Variants in KLHDC7B observed in about 807,000 individuals in gnomAD.
KLHDC7B encodes kelch domain containing 7B.
A neutral mutation model predicts 0.6 loss-of-function variants in KLHDC7B; 1 was observed. That is an observed-to-expected ratio of 1.71 (90% CI 0.61 to 8.11). The LOEUF is 8.11. Among genes scored for constraint, KLHDC7B ranks in the 30% most tolerant of loss-of-function variants. The pLI is 0.13. For synonymous variants in KLHDC7B, 462 were observed against 405.2 expected (o/e 1.14, Z -1.68); for missense variants, 993 against 894.9 (o/e 1.11, Z -1.40).
chr22:50,546,530 C>T lies in KLHDC7B; in HGVS notation c.287C>T (p.Pro96Leu), dbSNP rs2069730198. ...GGGCAGAGCCCAGGGCAGGGGAAAC[C>T]AGAGCCCCCAGGACGCGGCCAGCAG... Reference protein sequence around the residue: ...SEGQSPGQGKPEPPGRGQQSP... With the variant: ...SEGQSPGQGKLEPPGRGQQSP... Residue 96 changes from proline to leucine, a missense_variant, in exon 1 of 1, where the codon CCA becomes CTA. By Grantham distance (98) the Pro-to-Leu change is moderately conservative. Transcript: ENST00000648057. 2 of 398,812 alleles carry T rather than the reference C, an allele frequency of 5.0e-6. No homozygotes were observed. The allele number at this position is 398,812 out of a possible 1,614,324, so 24.7% of individuals were successfully genotyped here.
chr22:50,549,716 C>A lies in KLHDC7B; in HGVS notation c.3473C>A (p.Ser1158Tyr). Reference protein sequence around the residue: ...AVMRYNTVTGSWSRAASLPLP... With the variant: ...AVMRYNTVTGYWSRAASLPLP... ...ATGCGCTACAACACAGTGACCGGCT[C>A]CTGGAGCAGGGCTGCCTCCCTGCCC... Residue 1158 changes from serine (S) to tyrosine (Y), a missense_variant, in exon 1 of 1, where the codon TCC (serine) becomes TAC (tyrosine). Coordinates refer to ENST00000648057, the MANE Select transcript of KLHDC7B (RefSeq NM_138433.5). 1 of 1,584,984 alleles carries A rather than the reference C, an allele frequency of 6.3e-7. No homozygotes were observed.
At position 50,549,342 on chromosome 22, in the gene KLHDC7B, G is replaced by T; in HGVS notation, c.3099G>T (p.Gln1033His). The T allele has an allele frequency of 6.2e-7, 1 of 1,612,860 alleles. No individual in the cohort carries two copies. Among genetic ancestry groups the T allele is most frequent in the Non-Finnish European group, 8.5e-7 (1 of 1,179,990 alleles). Residue 1033 changes from glutamine to histidine, a missense_variant, in exon 1 of 1, where the codon CAG (glutamine) becomes CAT (histidine). Transcript: ENST00000648057. ...TNIWSQVRPM[Q>H]QARAQLKLVA... The stretch of plus-strand genomic sequence containing the variant: ...TCTGGAGCCAGGTTCGGCCCATGCA[G>T]CAGGCCCGAGCCCAGCTCAAGCTGG...
In KLHDC7B at chr22:50,549,586, G is replaced by T; in HGVS notation, c.3343G>T (p.Asp1115Tyr). Residue 1115 changes from aspartate (D) to tyrosine (Y), a missense_variant, in exon 1 of 1, where the codon GAC becomes TAC. Coordinates refer to ENST00000648057, the MANE Select transcript of KLHDC7B (RefSeq NM_138433.5). Reference protein sequence around the residue: ...LRYSPVKDAWDECPYSASHRR... With the variant: ...LRYSPVKDAWYECPYSASHRR... Reference sequence around the variant, plus strand: ...GTACAGCCCCGTGAAGGATGCTTGGGACGAGTGCCCATACAGTGCCAGCCA... The same window carrying T: ...GTACAGCCCCGTGAAGGATGCTTGGTACGAGTGCCCATACAGTGCCAGCCA... The T allele has an allele frequency of 6.4e-7, 1 of 1,573,212 alleles. No homozygotes were observed. Among genetic ancestry groups the T allele is most frequent in the Non-Finnish European group, 8.7e-7 (1 of 1,155,746 alleles).
rs62239508 is a variant in KLHDC7B at position 50,548,218 on chromosome 22, G to A, written c.1975G>A (p.Val659Ile). 49,556 of 1,549,144 alleles carry A rather than the reference G, an allele frequency of 0.032. 1,452 individuals are homozygous for A. Among genetic ancestry groups the A allele is most frequent in the East Asian group, 0.11 (4,553 of 40,844 alleles). Reference sequence around the variant, plus strand: ...CAGGCAAGACAGGCCCCAAGGGAGTGTCCCGAGGGCGGTTCCCGGGAGCCC... The same window carrying A: ...CAGGCAAGACAGGCCCCAAGGGAGTATCCCGAGGGCGGTTCCCGGGAGCCC... ...FPRQDRPQGS[V>I]PRAVPGSPVG... The change falls in exon 1 of 1, where the codon GTC becomes ATC. Residue 659 changes from valine to isoleucine, a missense_variant. Transcript: ENST00000648057. This position sits in a 1 kb window ranked among gnomAD's most constrained non-coding sequence, Gnocchi z 5.3.
Position 50,547,328 on chromosome 22 carries a change from A to G in KLHDC7B, c.1085A>G (p.Gln362Arg), listed in dbSNP as rs1030564208. ...CCTCAAGGTCGCCCACTCTCGTCCC[A>G]AGGGCCGGGTGCCACAGGGGCCTAC... ...SPPQGRPLSS[Q>R]GPGATGAYDA... Residue 362 changes from glutamine to arginine, a missense_variant, in exon 1 of 1, where the codon CAA (glutamine) becomes CGA (arginine). Gln to Arg is a conservative substitution (Grantham distance 43). Coordinates refer to ENST00000648057, the MANE Select transcript of KLHDC7B (RefSeq NM_138433.5). Among the ~76,000 whole-genome samples, 4 of 151,630 alleles carry G rather than the reference A, an allele frequency of 2.6e-5. No homozygotes were observed. Among genetic ancestry groups the G allele is most frequent in the Admixed American group, 2.0e-4 (3 of 15,264 alleles).
rs777495841 is a variant in KLHDC7B, at chr22:50,549,082, G to C, written c.2839G>C (p.Glu947Gln). Residue 947 changes from glutamate (E) to glutamine (Q), a missense_variant, in exon 1 of 1, where the codon GAG becomes CAG. Transcript: ENST00000648057. ...AGGGCTCCCCAGGGGCCCTCGTGGC[G>C]AGGAGCCTCCTGCGGCGGCCCCTGT... is the stretch of plus-strand genomic sequence containing the variant. ...RSGLPRGPRG[E>Q]EPPAAAPVSL... 153 of 1,600,336 alleles carry C rather than the reference G, an allele frequency of 9.6e-5. No homozygotes were observed. Among genetic ancestry groups the C allele is most frequent in the Middle Eastern group, 1.6e-4 (1 of 6,074 alleles).
In KLHDC7B at chr22:50,548,686, GA is replaced by G. The variant is rs1414078691; in HGVS notation, c.524del (p.Lys175SerfsTer71). On this transcript the variant is annotated frameshift_variant, in exon 1 of 1. Coordinates refer to the KLHDC7B transcript ENST00000395676. LOFTEE classifies it low-confidence loss of function (END_TRUNC). The surrounding 1 kb of genome is among the most constrained non-coding windows in gnomAD (Gnocchi z 5.3). ...TGCCGGCCGCAGCGGGGCGCTCACG[GA>G]AAAGCAGGAGGAGGCCCGGAAGCTC... The G allele has an allele frequency of 6.6e-7, 1 of 1,521,938 alleles. No homozygotes were observed. The highest frequency in any genetic ancestry group is 8.8e-7 in the Non-Finnish European group (1 of 1,135,234). 94.3% of individuals were successfully genotyped at this position (1,521,938 alleles called of 1,614,324 possible).
In KLHDC7B at chr22:50,548,291, C is replaced by A. The variant is rs922012056; in HGVS notation, c.2048C>A (p.Ser683Tyr). ...CACTCTGAGGACAGACACGGCCCCTCTTCTTCAGTGGGGACAGTCATAGGG... is the reference window on the plus strand; with the variant it reads ...CACTCTGAGGACAGACACGGCCCCTATTCTTCAGTGGGGACAGTCATAGGG... ...STHSEDRHGP[S>Y]SSVGTVIGTG... The change falls in exon 1 of 1, where the codon TCT (serine) becomes TAT (tyrosine). Residue 683 changes from serine to tyrosine, a missense_variant. Coordinates refer to ENST00000648057, the MANE Select transcript of KLHDC7B (RefSeq NM_138433.5). The surrounding 1 kb of genome is among the most constrained non-coding windows in gnomAD (Gnocchi z 5.3). The A allele has an allele frequency of 1.3e-6, 2 of 1,551,078 alleles. No homozygotes were observed. The highest frequency in any genetic ancestry group is 2.7e-5 in the African/African-American group (2 of 73,020).
Sources: allele counts gnomAD v4.1 joint callset (sites outside exome capture counted in the v4.1 genomes callset), GRCh38; gene constraint gnomAD v4.1.1; non-coding constraint Gnocchi (gnomAD v3.1); transcripts MANE v1.5; gene names NCBI Gene and HGNC (gene_info 2026-07-23, HGNC 2026-07-21).